CLCNKA: variants seen among roughly 807,000 people sequenced by gnomAD.
CLCNKA encodes the protein chloride channel protein ClC-Ka.
In CLCNKA, 66 loss-of-function variants were observed where a neutral mutation model predicts 83.3. The observed-to-expected ratio is 0.79, with a 90% CI of 0.65 to 0.97. The LOEUF (loss-of-function observed/expected upper bound fraction) is 0.97, where lower values mean the gene tolerates loss of function less well. Ranked by LOEUF, CLCNKA falls within the 50% of genes least tolerant of loss-of-function variation. The pLI, the probability that CLCNKA is intolerant of heterozygous loss-of-function variation, is 0.00. For missense variants in CLCNKA, 806 were observed against 888.7 expected, an observed-to-expected ratio of 0.91 and a Z score of 1.18; for synonymous variants, 357 against 370.4, an observed-to-expected ratio of 0.96 and a Z score of 0.42.
chr1:16,022,327 G>A (rs2022162900), intron 1 of CLCNKA, among the ~76,000 whole-genome samples: 1 of 152,160 alleles, frequency 6.6e-6, no homozygotes, highest in East Asian at 1.9e-4. Context: ...AGTAGTGGAA[G>A]CACCAAGCGA....
Position 16,029,216 on chromosome 1 carries a change from C to G in CLCNKA, c.1144C>G (p.Leu382Val). ...QNSSPPWPEE[L>V]DPQHLWWEWY... ...CTCCAGCCCACCCTGGCCCGAGGAG[C>G]TCGACCCCCAGCACCTTTGGTGGGA... Residue 382 changes from leucine to valine, a missense_variant, in exon 12 of 20, where the codon CTC becomes GTC. Leu to Val is a conservative substitution (Grantham distance 32, BLOSUM62 1). Coordinates refer to ENST00000331433, the MANE Select transcript of CLCNKA (RefSeq NM_004070.4). 6.2e-7 allele frequency: 1 copy of G among 1,613,692 alleles called. No homozygotes were observed. The highest frequency in any genetic ancestry group is 8.5e-7 in the Non-Finnish European group (1 of 1,179,882).
At chr1:16,024,985 A>G in intron 4 of CLCNKA, 94 bp downstream of exon 4, 2 of 1,534,460 alleles carry the variant, frequency 1.3e-6, no homozygotes, top group South Asian at 1.1e-5. Flanking sequence ...CTGCAGCCTC[A>G]TTTCTCAAGC....
Position 16,031,764 on chromosome 1 carries a change from C to G in CLCNKA, c.1677C>G (p.Ala559=), listed in dbSNP as rs1354007915. Residue 559 remains alanine, a synonymous_variant, in exon 16 of 20, where the codon GCC becomes GCG. Transcript: ENST00000331433. The part of the protein sequence containing the change: ...HFMNHSITTL[A]KDTPLEEVVK... ...TGAACCACAGCATCACCACACTGGC[C>G]AAGGACACGCCGCTGGAGGAGGTGG... The G allele has an allele frequency of 6.2e-7, 1 of 1,613,878 alleles. No individual in the cohort carries two copies. Among genetic ancestry groups the G allele is most frequent in the African/African-American group, 1.3e-5 (1 of 74,936 alleles).
intron 3 of CLCNKA, 106 bp from the exon 4 acceptor site, chr1:16,024,657 C>A: frequency 1.3e-6 from 2 of 1,494,092 alleles, no homozygotes; most frequent in Non-Finnish European, 1.8e-6. Flanking sequence ...GCCTGGTCCT[C>A]CCCTCTTCGT....
At position 16,033,904 on chromosome 1, in the gene CLCNKA, G is replaced by A; in HGVS notation, c.*246G>A. The stretch of plus-strand genomic sequence containing the variant: ...CTGAGTGTGAGAAGATGGAAAACCA[G>A]TATCTGCCAGGTGCTCAGTGACTGG... On this transcript the variant is annotated 3_prime_UTR_variant, in exon 20 of 20. Transcript: ENST00000331433. 4 of 629,736 alleles carry A rather than the reference G, an allele frequency of 6.4e-6. No individual in the cohort carries two copies. The highest frequency in any genetic ancestry group is 8.8e-6 in the Non-Finnish European group (3 of 342,512). The allele number at this position is 629,736 out of a possible 1,614,324, so 39.0% of individuals were successfully genotyped here. A position where few individuals can be genotyped will look rare whatever the true frequency, so the allele number is the denominator to read the frequency against.
chr1:16,031,509 A>C (rs527379634), intron 15 of CLCNKA, among the ~76,000 whole-genome samples: 8 of 152,234 alleles, frequency 5.3e-5, no homozygotes, highest in African/African-American at 1.7e-4. Flanking sequence ...GGGATTTGGA[A>C]CTGGGCCATC....
At position 16,023,864 on chromosome 1, in the gene CLCNKA, C is replaced by T. The variant is rs1439601124; in HGVS notation, c.165C>T (p.Thr55=). 3 of 1,614,144 alleles carry T rather than the reference C, an allele frequency of 1.9e-6. No homozygotes were observed. Among genetic ancestry groups the T allele is most frequent in the Non-Finnish European group, 2.5e-6 (3 of 1,179,994 alleles). ...RLGEDWYFLM[T]LGVLMALVSY... is the part of the protein sequence containing the mutation. ...GAGAAGACTGGTACTTCCTGATGAC[C>T]CTCGGGGTGCTCATGGCCCTGGTCA... The change falls in exon 3 of 20, where the codon ACC becomes ACT. Residue 55 remains threonine (T), a synonymous_variant. Transcript: ENST00000331433.
intron 15 of CLCNKA, among the ~76,000 whole-genome samples, chr1:16,031,189 G>A (rs766176772): frequency 6.6e-6 from 1 of 152,172 alleles, no homozygotes; most frequent in African/African-American, 2.4e-5. Context: ...CGGAGGCCCC[G>A]CTCCAAACAC....
In CLCNKA at chr1:16,031,817, C is replaced by G; in HGVS notation, c.1730C>G (p.Thr577Ser). 1.9e-6 allele frequency: 3 copies of G among 1,613,910 alleles called. No individual in the cohort carries two copies. The highest frequency in any genetic ancestry group is 2.5e-6 in the Non-Finnish European group (3 of 1,180,034). Reference protein sequence around the residue: ...VVKVVTSTDVTEYPLVESTES... With the variant: ...VVKVVTSTDVSEYPLVESTES... ...AAGGTTGTGACCTCCACAGACGTGA[C>G]CGAGTATCCCCTGGTGGAGAGCACA... The change falls in exon 16 of 20, where the codon ACC becomes AGC. Residue 577 changes from threonine to serine, a missense_variant. Thr to Ser is a moderately conservative substitution (Grantham distance 58, BLOSUM62 1). Coordinates refer to ENST00000331433, the MANE Select transcript of CLCNKA (RefSeq NM_004070.4).
intron 10 of CLCNKA, chr1:16,028,546 C>T: frequency 1.4e-6 from 1 of 694,536 alleles, no homozygotes; most frequent in Non-Finnish European, 2.6e-6. Flanking sequence ...GATTCCTCTG[C>T]CCTCAGTCAT....
chr1:16,029,580 G>A, intron 12 of CLCNKA, 151 bp from the exon 13 acceptor site: 1 of 1,090,946 alleles, frequency 9.2e-7, no homozygotes, highest in Middle Eastern at 2.1e-4. Flanking sequence ...TCAGGGTGAG[G>A]ACCCTCCCCT....
Position 16,024,822 on chromosome 1 carries a change from A to G in CLCNKA, c.289A>G (p.Thr97Ala). Reference protein sequence around the residue: ...DSHLLRYLSWTVYPVALVSFS... With the variant: ...DSHLLRYLSWAVYPVALVSFS... The stretch of plus-strand genomic sequence containing the variant: ...CCACCTGCTCCGGTATCTTTCCTGG[A>G]CTGTGTACCCTGTGGCCCTCGTCTC... Residue 97 changes from threonine (T) to alanine (A), a missense_variant, in exon 4 of 20, where the codon ACT (threonine) becomes GCT (alanine). Transcript: ENST00000331433. The G allele has an allele frequency of 6.2e-7, 1 of 1,614,004 alleles. No individual in the cohort carries two copies. Among genetic ancestry groups the G allele is most frequent in the African/African-American group, 1.3e-5 (1 of 74,998 alleles).
chr1:16,029,401 T>C (rs2124045508), intron 12 of CLCNKA, 102 bp downstream of exon 12: 1 of 1,542,340 alleles, frequency 6.5e-7, no homozygotes, highest in Non-Finnish European at 8.9e-7. Flanking sequence ...CCCAGGCCTC[T>C]CACCCACACT....
chr1:16,031,147 A>C (rs568814196), intron 15 of CLCNKA, among the ~76,000 whole-genome samples: 1 of 152,206 alleles, frequency 6.6e-6, no homozygotes, highest in African/African-American at 2.4e-5. Flanking sequence ...GGCGCCAGAA[A>C]AGCAGACCAA....
Position 16,022,671 on chromosome 1 carries a change from C to A in CLCNKA, c.52C>A (p.Leu18Met). The A allele has an allele frequency of 6.4e-7, 1 of 1,563,858 alleles. No individual in the cohort carries two copies. The highest frequency in any genetic ancestry group is 8.7e-7 in the Non-Finnish European group (1 of 1,154,144). The stretch of plus-strand genomic sequence containing the variant: ...GGGCTTCTCAGGGGACCCTGTGACT[C>A]TGCAGGAGCTGTGGGGCCCCTGTCC... Reference protein sequence around the residue: ...REGFSGDPVTLQELWGPCPHI... With the variant: ...REGFSGDPVTMQELWGPCPHI... The change falls in exon 2 of 20, where the codon CTG (leucine) becomes ATG (methionine). Residue 18 changes from leucine to methionine, a missense_variant. Transcript: ENST00000331433.
chr1:16,029,790 C>T lies in CLCNKA; in HGVS notation c.1287C>T (p.Ile429=), dbSNP rs1452728052. 1 of 1,614,046 alleles carries T rather than the reference C, an allele frequency of 6.2e-7. No individual in the cohort carries two copies. The highest frequency in any genetic ancestry group is 8.5e-7 in the Non-Finnish European group (1 of 1,180,034). ...TGCCTGCCGGGTACTTCATGCCCAT[C>T]TTTATCCTTGGTGAGTCTGGGGTCC... ...IPMPAGYFMP[I]FILGAAIGRL... is the part of the protein sequence containing the mutation. The change falls in exon 13 of 20, where the codon ATC becomes ATT. Residue 429 remains isoleucine, a synonymous_variant. Transcript: ENST00000331433.
chr1:16,024,711 C>T lies in CLCNKA; in HGVS notation c.230-52C>T, dbSNP rs9442215. The T allele has an allele frequency of 0.069, 111,775 of 1,610,742 alleles. 4,548 individuals are homozygous for T. Among genetic ancestry groups the T allele is most frequent in the South Asian group, 0.14 (12,511 of 90,964 alleles). ...GTAAGTGGGCACCACAGTGTCTGGCCCTGAGGGCTGCAGAGGCTGTGGGTG... is the reference window on the plus strand; with the variant it reads ...GTAAGTGGGCACCACAGTGTCTGGCTCTGAGGGCTGCAGAGGCTGTGGGTG... On this transcript the variant is annotated intron_variant, in intron 3 of 19. Transcript: ENST00000331433.
chr1:16,030,392 T>A (rs1326481625), intron 14 of CLCNKA, 69 bp from the exon 15 acceptor site: 1 of 1,581,272 alleles, frequency 6.3e-7, no homozygotes, highest in Non-Finnish European at 8.7e-7. Context: ...GCCAGGCTAG[T>A]TATTCCCTCA....
chr1:16,024,444 G>A (rs1244521170), intron 3 of CLCNKA, among the ~76,000 whole-genome samples: 2 of 152,226 alleles, frequency 1.3e-5, no homozygotes, highest in Non-Finnish European at 2.9e-5. Context: ...GTTCTCAGTG[G>A]CCCTTTAGTC....
Sources: gnomAD v4.1 joint callset for allele counts (sites outside exome capture counted in the v4.1 genomes callset) on GRCh38, gnomAD v4.1.1 for gene constraint, MANE v1.5 for transcripts, NCBI Gene and HGNC (gene_info 2026-07-23, HGNC 2026-07-21) for gene names.